PCBP3: variants seen among roughly 807,000 people sequenced by gnomAD.
PCBP3 encodes poly(rC) binding protein 3.
Under a neutral mutation model 52.7 loss-of-function variants are expected in PCBP3, and 25 were observed. That is an observed-to-expected ratio of 0.47 (90% confidence interval 0.35 to 0.66). The LOEUF is 0.66. Among genes scored for constraint, PCBP3 ranks in the 30% least tolerant of loss-of-function variants. The pLI, the probability that PCBP3 is intolerant of heterozygous loss-of-function variation, is 0.01. For synonymous variants in PCBP3, 162 were observed against 183.0 expected, an observed-to-expected ratio of 0.89 and a Z score of 0.93; for missense variants, 391 against 490.3, an observed-to-expected ratio of 0.80 and a Z score of 1.91.
chr21:45,696,327 T>G (rs868701145), intron 2 of PCBP3, among the ~76,000 whole-genome samples: 4 of 151,990 alleles, frequency 2.6e-5, no homozygotes, highest in Non-Finnish European at 2.9e-5. Flanking sequence ...AAAGAAACAG[T>G]TGAGAAGTTG....
At position 45,850,025 on chromosome 21, in the gene PCBP3, G is replaced by A; in HGVS notation, c.-61G>A. On this transcript the variant is annotated 5_prime_UTR_variant, in exon 5 of 18. The change abolishes the stop of an existing upstream ORF in the 5' untranslated region. Coordinates refer to ENST00000681687, the MANE Select transcript of PCBP3 (RefSeq NM_001384156.1). ...TCACCTGCTGTGGTTATGATGCTCT[G>A]AGTTCAATACGTCTGAACCTTTGCT... 1 of 1,466,314 alleles carries A rather than the reference G, an allele frequency of 6.8e-7. No individual in the cohort carries two copies. The highest frequency in any genetic ancestry group is 9.4e-7 in the Non-Finnish European group (1 of 1,069,188). The allele number at this position is 1,466,314 out of a possible 1,614,324, so 90.8% of individuals were successfully genotyped here. A position where few individuals can be genotyped will look rare whatever the true frequency, so the allele number is the denominator to read the frequency against.
At chr21:45,797,097 G>T (rs2091957195) in intron 4 of PCBP3, among the ~76,000 whole-genome samples, 4 of 152,176 alleles carry the variant, frequency 2.6e-5, no homozygotes. Context: ...GGAAACACAT[G>T]GTACAGTATT....
At chr21:45,705,290 G>T (rs1409089278) in intron 2 of PCBP3, among the ~76,000 whole-genome samples, 4 of 152,172 alleles carry the variant, frequency 2.6e-5, no homozygotes, top group Non-Finnish European at 5.9e-5. Context: ...TCAGCTTGAG[G>T]CCCCACCCTT....
chr21:45,661,695 G>C (rs2080400784), intron 1 of PCBP3, among the ~76,000 whole-genome samples: 1 of 152,160 alleles, frequency 6.6e-6, no homozygotes, highest in South Asian at 2.1e-4. Context: ...AGATCAAATG[G>C]TAGTTCTATT....
At chr21:45,705,749 T>C (rs752467560) in intron 2 of PCBP3, among the ~76,000 whole-genome samples, 3 of 152,104 alleles carry the variant, frequency 2.0e-5, no homozygotes, top group East Asian at 1.9e-4. Flanking sequence ...TTTTTCCCCC[T>C]CTCAGCCTTT....
chr21:45,881,308 G>C (rs1255108469), intron 5 of PCBP3, among the ~76,000 whole-genome samples: 1 of 152,158 alleles, frequency 6.6e-6, no homozygotes, highest in Non-Finnish European at 1.5e-5. Flanking sequence ...AATTCTATGT[G>C]TTCATGTTTT....
chr21:45,688,619 G>A (rs2082289404), intron 2 of PCBP3, among the ~76,000 whole-genome samples: 1 of 151,766 alleles, frequency 6.6e-6, no homozygotes, highest in South Asian at 2.1e-4. Flanking sequence ...AAATAATAAA[G>A]TTAAGAATAA....
chr21:45,892,779 C>T (rs1051597964), intron 5 of PCBP3, among the ~76,000 whole-genome samples: 1 of 152,224 alleles, frequency 6.6e-6, no homozygotes, highest in Non-Finnish European at 1.5e-5. Flanking sequence ...CCAAGCTCAG[C>T]TCCCTTCAAC....
rs1453740713 is a variant in PCBP3 at position 45,736,441 on chromosome 21, C to T, written c.-162+1012C>T. 6.6e-6 allele frequency among the ~76,000 whole-genome samples: 1 copy of T among 152,216 alleles called. No individual in the cohort carries two copies. Among genetic ancestry groups the T allele is most frequent in the Non-Finnish European group, 1.5e-5 (1 of 68,050 alleles). On this transcript the variant is annotated intron_variant, in intron 3 of 17. Coordinates refer to ENST00000681687, the MANE Select transcript of PCBP3 (RefSeq NM_001384156.1). The surrounding 1 kb of genome is among the most constrained non-coding windows in gnomAD (Gnocchi z 4.6). ...GGCAGCCCTGGGCTGCTGTGAGGTCCTGAGCACAGTGCATCCTGAGGAGAC... is the reference window on the plus strand; with the variant it reads ...GGCAGCCCTGGGCTGCTGTGAGGTCTTGAGCACAGTGCATCCTGAGGAGAC...
chr21:45,874,489 ATCT>A (rs752976009), intron 5 of PCBP3, among the ~76,000 whole-genome samples: 11 of 147,198 alleles, frequency 7.5e-5, no homozygotes, highest in African/African-American at 2.0e-4. Flanking sequence ...TATACATGGT[ATCT>A]TCTTCTTCTT....
chr21:45,828,959 G>A (rs1331116874), intron 4 of PCBP3: 2 of 152,390 alleles, frequency 1.3e-5, no homozygotes, highest in Non-Finnish European at 2.9e-5. Context: ...TTGTGCCAGC[G>A]GTGTGGACAG....
At chr21:45,896,893 A>G (rs1431185299) in intron 6 of PCBP3, among the ~76,000 whole-genome samples, 2 of 131,528 alleles carry the variant, frequency 1.5e-5, no homozygotes, top group African/African-American at 6.7e-5. Context: ...AGAACCGGAG[A>G]TGCACTGCCT....
chr21:45,836,792 T>C (rs1398859556), intron 4 of PCBP3, among the ~76,000 whole-genome samples: 2 of 152,124 alleles, frequency 1.3e-5, no homozygotes, highest in South Asian at 4.1e-4. Flanking sequence ...TCTTAGAAAG[T>C]GACATCAGTC....
intron 4 of PCBP3, among the ~76,000 whole-genome samples, chr21:45,793,730 G>C (rs2091761939): frequency 6.6e-6 from 1 of 152,196 alleles, no homozygotes. Context: ...ATTGGCATCA[G>C]ACTTCTCAAT....
chr21:45,784,417 TA>T (rs2090920594), intron 4 of PCBP3, among the ~76,000 whole-genome samples: 1 of 133,932 alleles, frequency 7.5e-6, no homozygotes, highest in African/African-American at 3.0e-5. Flanking sequence ...CCGCTACCGC[TA>T]CCCCTACCTC....
intron 4 of PCBP3, among the ~76,000 whole-genome samples, chr21:45,820,629 G>A (rs1033113876): frequency 3.3e-5 from 5 of 152,184 alleles, no homozygotes; most frequent in African/African-American, 1.2e-4. Flanking sequence ...GATATGGGCA[G>A]CCAGCGGGGC....
chr21:45,658,389 T>TTTGA, intron 1 of PCBP3, among the ~76,000 whole-genome samples: 1 of 152,150 alleles, frequency 6.6e-6, no homozygotes, highest in African/African-American at 2.4e-5. Context: ...CTGCAGCCTC[T>TTTGA]GCCTCCTGGA....
intron 2 of PCBP3, among the ~76,000 whole-genome samples, chr21:45,687,849 GCC>G (rs2082242953): frequency 6.6e-6 from 1 of 151,848 alleles, no homozygotes; most frequent in Admixed American, 6.6e-5. Context: ...TCCTGCCTCA[GCC>G]TCCCGAGTAG....
chr21:45,885,884 T>C lies in PCBP3; in HGVS notation c.11-10324T>C, dbSNP rs143219451. Among the ~76,000 whole-genome samples the C allele has an allele frequency of 4.6e-3, 696 of 152,360 alleles. 7 individuals carry two copies. Among genetic ancestry groups the C allele is most frequent in the African/African-American group, 0.016 (656 of 41,586 alleles). ...GTCATCCTGGGGCTGACACTGTCTT[T>C]CATTCAGTTTGAGATCTTTTGGGTT... is the stretch of plus-strand genomic sequence containing the variant. On this transcript the variant is annotated intron_variant, in intron 5 of 17. Transcript: ENST00000681687.
Sources: allele counts gnomAD v4.1 joint callset (sites outside exome capture counted in the v4.1 genomes callset), GRCh38; gene constraint gnomAD v4.1.1; non-coding constraint Gnocchi (gnomAD v3.1); transcripts MANE v1.5; gene names NCBI Gene and HGNC (gene_info 2026-07-23, HGNC 2026-07-21).